The following THAP6 variants were observed in gnomAD, a reference collection of about 807,000 sequenced individuals.
THAP6 encodes the protein THAP domain containing 6.
Under a neutral mutation model 20.0 loss-of-function variants are expected in THAP6, and 13 were observed. The ratio of observed to expected loss-of-function variants is 0.65; its 90% confidence interval spans 0.42 to 1.03. THAP6 has a LOEUF of 1.03. Ranked by LOEUF, THAP6 falls within the 50% of genes least tolerant of loss-of-function variation. The probability of loss-of-function intolerance (pLI) is 0.00; values close to 1 mark genes in which losing one functional copy is unlikely to be tolerated. For missense variants in THAP6, 262 were observed against 261.6 expected (o/e 1.00, Z -0.01); for synonymous variants, 93 against 92.2 (o/e 1.01, Z -0.05).
chr4:75,546,439 TC>T (rs1727128689), intron 3 of THAP6, among the ~76,000 whole-genome samples: 1 of 152,220 alleles, frequency 6.6e-6, no homozygotes, highest in African/African-American at 2.4e-5. Context: ...CCCTTCATTG[TC>T]CATAAACACC....
In THAP6 at chr4:75,516,785, G is replaced by GA. The variant is rs774714728; in HGVS notation, c.98dup (p.Asn33LysfsTer14). On this transcript the variant is annotated frameshift_variant, in exon 3 of 5. Coordinates refer to ENST00000311638, the MANE Select transcript of THAP6 (RefSeq NM_144721.6). LOFTEE classifies it high-confidence loss of function. ...TTTTTTTTCTAGATTCCCCACAGAT[G>GA]AAAACATCAAAAGGAAATGGGTATT... The GA allele has an allele frequency of 6.2e-7, 1 of 1,613,322 alleles. No homozygotes were observed. Among genetic ancestry groups the GA allele is most frequent in the Non-Finnish European group, 8.5e-7 (1 of 1,179,690 alleles).
At chr4:75,521,460 A>T (rs186932399) in intron 3 of THAP6, among the ~76,000 whole-genome samples, 1 of 152,200 alleles carries the variant, frequency 6.6e-6, no homozygotes, top group East Asian at 1.9e-4. Flanking sequence ...TCCTAACAAA[A>T]GAACACACTG....
intron 2 of THAP6, among the ~76,000 whole-genome samples, chr4:75,541,471 T>C (rs1479140554): frequency 6.6e-6 from 1 of 151,540 alleles, no homozygotes; most frequent in African/African-American, 2.4e-5. Flanking sequence ...TGTGTAAGTA[T>C]ATAGAAAAAG....
At chr4:75,533,917 C>G (rs1410724216), downstream of THAP6, among the ~76,000 whole-genome samples, 2 of 151,988 alleles carry the variant, frequency 1.3e-5, no homozygotes, top group Non-Finnish European at 2.9e-5. Flanking sequence ...CCCCTCCCCC[C>G]ACCGCACAAC....
intron 3 of THAP6, among the ~76,000 whole-genome samples, chr4:75,521,508 C>T (rs1726026839): frequency 6.6e-6 from 1 of 151,922 alleles, no homozygotes; most frequent in South Asian, 2.1e-4. Context: ...TTTTTAATAG[C>T]TTGTAGGGTG....
At chr4:75,531,297 C>A (rs958417111), downstream of THAP6, among the ~76,000 whole-genome samples, 3 of 152,176 alleles carry the variant, frequency 2.0e-5, no homozygotes, top group African/African-American at 7.2e-5. Flanking sequence ...TGGTAGGCAA[C>A]GTGTATTGTC....
intron 2 of THAP6, among the ~76,000 whole-genome samples, 192 bp from the exon 3 acceptor site, chr4:75,516,580 G>A (rs1181932727): frequency 6.6e-6 from 1 of 152,192 alleles, no homozygotes; most frequent in African/African-American, 2.4e-5. Context: ...TCTGCAGCAT[G>A]ATTGGCAGAA....
Position 75,528,501 on chromosome 4 carries a change from T to G in THAP6, c.*1287T>G. The stretch of plus-strand genomic sequence containing the variant: ...AGCCATTTCATTGTAGTAACAAAAA[T>G]TGAATTGCATTTTGTGCTCAGTTGT... On this transcript the variant is annotated 3_prime_UTR_variant, in exon 5 of 5. Transcript: ENST00000311638. The G allele has an allele frequency of 1.0e-6, 1 of 985,242 alleles. No individual in the cohort carries two copies. The highest frequency in any genetic ancestry group is 1.2e-6 in the Non-Finnish European group (1 of 829,754). 61.0% of individuals were successfully genotyped at this position (985,242 alleles called of 1,614,324 possible).
intron 3 of THAP6, among the ~76,000 whole-genome samples, chr4:75,545,947 C>T (rs577327110): frequency 6.6e-6 from 1 of 152,158 alleles, no homozygotes; most frequent in African/African-American, 2.4e-5. Flanking sequence ...CGGGCCCACC[C>T]TAGAACTGCG....
At chr4:75,523,297 T>G (rs1726151126) in intron 4 of THAP6, among the ~76,000 whole-genome samples, 1 of 152,224 alleles carries the variant, frequency 6.6e-6, no homozygotes, top group South Asian at 2.1e-4. Context: ...AATCGAATTT[T>G]TAGATTTCTT....
intron 3 of THAP6, among the ~76,000 whole-genome samples, chr4:75,520,485 G>A (rs1176940962): frequency 6.6e-6 from 1 of 152,072 alleles, no homozygotes; most frequent in Admixed American, 6.6e-5. Context: ...GTAGTTGGTG[G>A]TGTCAATTAT....
chr4:75,527,065 GACCGAGA>G lies in THAP6; in HGVS notation c.522_528del (p.Asp174GlufsTer8). 6.2e-7 allele frequency: 1 copy of G among 1,614,106 alleles called. No homozygotes were observed. The highest frequency in any genetic ancestry group is 8.5e-7 in the Non-Finnish European group (1 of 1,179,996). ...AAAGGAAAGTCTACGGAATGTTTTAGACCGAGAAAAACGTTTTCAGAAATCATTGAGG... is the reference window on the plus strand; with the variant it reads ...AAAGGAAAGTCTACGGAATGTTTTAGAAAACGTTTTCAGAAATCATTGAGG... On this transcript the variant is annotated frameshift_variant, in exon 5 of 5. Coordinates refer to ENST00000311638, the MANE Select transcript of THAP6 (RefSeq NM_144721.6). LOFTEE classifies it high-confidence loss of function.
intron 2 of THAP6, among the ~76,000 whole-genome samples, chr4:75,535,450 T>C (rs1403213507): frequency 6.6e-6 from 1 of 152,244 alleles, no homozygotes. Context: ...CCTTTGTTCC[T>C]GAAGGGAGTT....
At position 75,541,679 on chromosome 4, in the gene THAP6, G is replaced by A. The variant is rs150090871; in HGVS notation, c.166-730G>A. 5.2e-3 allele frequency among the ~76,000 whole-genome samples: 792 copies of A among 152,148 alleles called. 8 individuals carry two copies. Among genetic ancestry groups the A allele is most frequent in the African/African-American group, 0.018 (757 of 41,538 alleles). On this transcript the variant is annotated intron_variant, in intron 2 of 4. Coordinates refer to the THAP6 transcript ENST00000502620. ...CTACAAATTTAAATCAAAACCAGCC[G>A]GGCACAGTGGCTCATGCCTGTAATC... is the stretch of plus-strand genomic sequence containing the variant.
Position 75,528,022 on chromosome 4 carries a change from A to G in THAP6, c.*808A>G. The G allele has an allele frequency of 3.0e-6, 3 of 985,240 alleles. No homozygotes were observed. Among genetic ancestry groups the G allele is most frequent in the Non-Finnish European group, 3.6e-6 (3 of 829,728 alleles). The allele number at this position is 985,240 out of a possible 1,614,324, so 61.0% of individuals were successfully genotyped here. ...ATCTGAATGGCAGTACTAGCTCTATACTTTTAATACTGCTTTGTATTTTAT... is the reference window on the plus strand; with the variant it reads ...ATCTGAATGGCAGTACTAGCTCTATGCTTTTAATACTGCTTTGTATTTTAT... On this transcript the variant is annotated 3_prime_UTR_variant, in exon 5 of 5. Transcript: ENST00000311638.
At chr4:75,523,529 T>C (rs375483256) in intron 4 of THAP6, among the ~76,000 whole-genome samples, 2 of 151,846 alleles carry the variant, frequency 1.3e-5, no homozygotes, top group South Asian at 2.1e-4. Flanking sequence ...TTAGGCCGGG[T>C]GTGATGGCTC....
chr4:75,542,518 T>A, intron 3 of THAP6: 1 of 699,776 alleles, frequency 1.4e-6, no homozygotes, highest in Non-Finnish European at 2.6e-6. Context: ...ACTTAAACTT[T>A]ATTAACTCAT....
chr4:75,546,096 AAATT>A (rs1332160396), intron 3 of THAP6, among the ~76,000 whole-genome samples: 1 of 152,232 alleles, frequency 6.6e-6, no homozygotes, highest in East Asian at 1.9e-4. Context: ...CATCTGAAAC[AAATT>A]ACTTAGCAAA....
At chr4:75,542,044 C>T (rs748697229) in intron 2 of THAP6, among the ~76,000 whole-genome samples, 24 of 152,086 alleles carry the variant, frequency 1.6e-4, no homozygotes, top group Non-Finnish European at 2.8e-4. Context: ...CCCCCTGGGA[C>T]ATTGGCTAAA....
Sources: allele counts gnomAD v4.1 joint callset (sites outside exome capture counted in the v4.1 genomes callset), GRCh38; gene constraint gnomAD v4.1.1; transcripts MANE v1.5; gene names NCBI Gene and HGNC (gene_info 2026-07-23, HGNC 2026-07-21).